TMPRSS11F: variants seen among roughly 807,000 people sequenced by gnomAD.
The protein encoded by TMPRSS11F is transmembrane serine protease 11F.
A neutral mutation model predicts 60.2 loss-of-function variants in TMPRSS11F; 47 were observed. That is an observed-to-expected ratio of 0.78 (90% CI 0.62 to 1.00). The LOEUF (loss-of-function observed/expected upper bound fraction) is 1.00. TMPRSS11F is among the 50% of genes least tolerant of loss of function. The pLI is 0.00. For missense variants in TMPRSS11F, 519 were observed against 522.9 expected, an observed-to-expected ratio of 0.99 and a Z score of 0.07; for synonymous variants, 166 against 167.3, an observed-to-expected ratio of 0.99 and a Z score of 0.06.
chr4:68,125,189 A>T (rs182861475), intron 1 of TMPRSS11F, among the ~76,000 whole-genome samples: 85 of 151,534 alleles, frequency 5.6e-4, no homozygotes, highest in African/African-American at 2.0e-3. Context: ...ATTATACTGT[A>T]TATTTTTATG....
At chr4:68,066,732 G>A (rs371863946) in intron 7 of TMPRSS11F, among the ~76,000 whole-genome samples, 8 of 151,896 alleles carry the variant, frequency 5.3e-5, no homozygotes, top group African/African-American at 1.5e-4. Flanking sequence ...TCGGGAGATC[G>A]AGACCATCCT....
At position 68,062,050 on chromosome 4, in the gene TMPRSS11F, A is replaced by C. The variant is rs113753303; in HGVS notation, c.1016-2582T>G. The C allele has an allele frequency of 2.1e-3, 963 of 451,844 alleles. 10 individuals carry two copies. The highest frequency in any genetic ancestry group is 0.018 in the African/African-American group (887 of 49,982). 28.0% of individuals were successfully genotyped at this position (451,844 alleles called of 1,614,324 possible). ...TAAAACAATTTTCAATGTGACTGAAACCCTTCGCCATTAGATATGACTTAC... is the reference window on the plus strand; with the variant it reads ...TAAAACAATTTTCAATGTGACTGAACCCCTTCGCCATTAGATATGACTTAC... On this transcript the variant is annotated intron_variant, in intron 8 of 9. Transcript: ENST00000356291.
chr4:68,064,180 CT>C (rs1171251270), intron 8 of TMPRSS11F, among the ~76,000 whole-genome samples: 1 of 141,456 alleles, frequency 7.1e-6, no homozygotes, highest in Non-Finnish European at 1.5e-5. Context: ...TCTTTCTTTT[CT>C]TTTTTTTCTT....
chr4:68,086,458 T>C (rs1233400035), intron 3 of TMPRSS11F, among the ~76,000 whole-genome samples: 1 of 151,850 alleles, frequency 6.6e-6, no homozygotes, highest in African/African-American at 2.4e-5. Flanking sequence ...ACAATGCACA[T>C]AGAGAAACTA....
chr4:68,055,018 A>G (rs1438446), intron 9 of TMPRSS11F, among the ~76,000 whole-genome samples: 113,225 of 152,094 alleles, frequency 0.74, 42,627 homozygotes, highest in East Asian at 0.88. Context: ...TGAAGGAAGA[A>G]GAGCAGAGCA....
chr4:68,098,989 T>C lies in TMPRSS11F; in HGVS notation c.61A>G (p.Lys21Glu). ...AEFSRAEYQR[K>E]QQFWDSVRLA... ...CGTACTGAGTCCCAAAATTGCTGCTTTCTTTGATATTCAGCTCGTGAGAAT... is the reference window on the plus strand; with the variant it reads ...CGTACTGAGTCCCAAAATTGCTGCTCTCTTTGATATTCAGCTCGTGAGAAT... The change falls in exon 2 of 10, where the codon AAG becomes GAG. Residue 21 changes from lysine (K) to glutamate (E), a missense_variant. Physicochemically the swap from Lys to Glu is moderately conservative, Grantham distance 56. Transcript: ENST00000356291. 1.9e-6 allele frequency: 3 copies of C among 1,613,386 alleles called. No individual in the cohort carries two copies. Among genetic ancestry groups the C allele is most frequent in the Non-Finnish European group, 2.5e-6 (3 of 1,179,628 alleles).
chr4:68,119,205 A>G (rs1016166783), intron 1 of TMPRSS11F, among the ~76,000 whole-genome samples: 1 of 152,062 alleles, frequency 6.6e-6, no homozygotes, highest in Non-Finnish European at 1.5e-5. Flanking sequence ...CTTTTATTCT[A>G]TAAAAGCTGA....
At chr4:68,054,927 A>G (rs1426748282) in intron 9 of TMPRSS11F, among the ~76,000 whole-genome samples, 1 of 152,194 alleles carries the variant, frequency 6.6e-6, no homozygotes, top group Non-Finnish European at 1.5e-5. Flanking sequence ...GATACGTGCT[A>G]TGGTAACACA....
chr4:68,121,090 C>T (rs1373428548), intron 1 of TMPRSS11F, among the ~76,000 whole-genome samples: 1 of 152,230 alleles, frequency 6.6e-6, no homozygotes, highest in Non-Finnish European at 1.5e-5. Flanking sequence ...AGTCTCACCT[C>T]CCCTTCTATA....
intron 1 of TMPRSS11F, among the ~76,000 whole-genome samples, chr4:68,117,384 G>C (rs1724546754): frequency 6.7e-6 from 1 of 148,544 alleles, no homozygotes; most frequent in Admixed American, 6.8e-5. Context: ...GGAGAATGGA[G>C]TGAACCCTGG....
rs533248294 is a variant in TMPRSS11F at position 68,117,359 on chromosome 4, C to T, written c.11+12451G>A. Among the ~76,000 whole-genome samples the T allele has an allele frequency of 9.2e-4, 135 of 146,758 alleles. 1 individual carries two copies. Among genetic ancestry groups the T allele is most frequent in the African/African-American group, 3.3e-3 (131 of 39,430 alleles). On this transcript the variant is annotated intron_variant, in intron 1 of 9. Coordinates refer to ENST00000356291, the MANE Select transcript of TMPRSS11F (RefSeq NM_207407.2). ...GCAGGTGCCTGTAGTCCCAGCTGCT[C>T]GGGGGGCTGAGGCAGGAGAATGGAG...
At chr4:68,127,721 T>C (rs1724741241) in intron 1 of TMPRSS11F, among the ~76,000 whole-genome samples, 1 of 152,156 alleles carries the variant, frequency 6.6e-6, no homozygotes, top group Non-Finnish European at 1.5e-5. Context: ...GTATGTGTAC[T>C]GTCTATATAT....
chr4:68,094,216 G>T (rs1724017239), intron 2 of TMPRSS11F, among the ~76,000 whole-genome samples: 1 of 100,128 alleles, frequency 1.0e-5, no homozygotes, highest in Non-Finnish European at 2.3e-5. Flanking sequence ...ATACTATGCA[G>T]CCATAAAAAA....
intron 2 of TMPRSS11F, among the ~76,000 whole-genome samples, chr4:68,091,752 T>TCTCC (rs1457074390): frequency 2.8e-5 from 1 of 35,944 alleles, no homozygotes; most frequent in African/African-American, 5.4e-5. Flanking sequence ...CTCTAATCTC[T>TCTCC]CTCTCTCTCT....
intron 1 of TMPRSS11F, among the ~76,000 whole-genome samples, chr4:68,128,021 AGAC>A (rs1377430154): frequency 6.6e-6 from 1 of 152,148 alleles, no homozygotes; most frequent in Non-Finnish European, 1.5e-5. Context: ...GAGAAGTACC[AGAC>A]AAAAGAGTTC....
At chr4:68,121,275 A>T (rs1724620976) in intron 1 of TMPRSS11F, among the ~76,000 whole-genome samples, 1 of 152,320 alleles carries the variant, frequency 6.6e-6, no homozygotes, top group East Asian at 1.9e-4. Flanking sequence ...TTCTTAAGGA[A>T]TCAAATTCTG....
chr4:68,092,421 C>T (rs183647285), intron 2 of TMPRSS11F, among the ~76,000 whole-genome samples: 1 of 152,172 alleles, frequency 6.6e-6, no homozygotes, highest in East Asian at 1.9e-4. Flanking sequence ...TGATTCTAAG[C>T]ATTATCTTAC....
chr4:68,110,403 G>C (rs895524801), intron 1 of TMPRSS11F, among the ~76,000 whole-genome samples: 1 of 152,146 alleles, frequency 6.6e-6, no homozygotes, highest in Non-Finnish European at 1.5e-5. Flanking sequence ...ATGTGGCAGA[G>C]TAAAAGTAAA....
intron 1 of TMPRSS11F, among the ~76,000 whole-genome samples, chr4:68,119,811 G>A (rs983211449): frequency 6.6e-6 from 1 of 152,144 alleles, no homozygotes; most frequent in Admixed American, 6.5e-5. Context: ...CACGGATCAA[G>A]GAGAAATTAT....
Sources: allele counts gnomAD v4.1 joint callset (sites outside exome capture counted in the v4.1 genomes callset), GRCh38; gene constraint gnomAD v4.1.1; transcripts MANE v1.5; gene names NCBI Gene and HGNC (gene_info 2026-07-23, HGNC 2026-07-21).